ATAD2B: variants seen among roughly 807,000 people sequenced by gnomAD.
The protein encoded by ATAD2B is ATPase family AAA domain containing 2B.
In ATAD2B, 40 loss-of-function variants were observed where a neutral mutation model predicts 167.6. The ratio of observed to expected loss-of-function variants is 0.24; its 90% CI spans 0.19 to 0.31. The LOEUF (loss-of-function observed/expected upper bound fraction) is 0.31. ATAD2B is among the 10% of genes least tolerant of loss of function. ATAD2B has a pLI of 1.00. For missense variants in ATAD2B, 1,242 were observed against 1,757.2 expected, an observed-to-expected ratio of 0.71 and a Z score of 5.24; for synonymous variants, 579 against 596.5, an observed-to-expected ratio of 0.97 and a Z score of 0.43.
intron 27 of ATAD2B, among the ~76,000 whole-genome samples, chr2:23,752,491 G>C (rs1016148507): frequency 6.7e-6 from 1 of 149,648 alleles, no homozygotes; most frequent in East Asian, 1.9e-4. Flanking sequence ...ATATTTATAT[G>C]TATGCATATA....
rs1704952213 is a variant in ATAD2B, at chr2:23,926,854, GGAGCCGAGCCGGGCAATGAGAGAC to G, written c.-108_-85del. The G allele has an allele frequency of 1.4e-6, 2 of 1,426,624 alleles. No homozygotes were observed. Among genetic ancestry groups the G allele is most frequent in the Admixed American group, 5.9e-5 (2 of 33,814 alleles). 88.4% of individuals were successfully genotyped at this position (1,426,624 alleles called of 1,614,324 possible). A position where few individuals can be genotyped will look rare whatever the true frequency, so the allele number is the denominator to read the frequency against. The stretch of plus-strand genomic sequence containing the variant: ...CGCCGGCCGGTCAGTCAGGGCCAGC[GGAGCCGAGCCGGGCAATGAGAGAC>G]GAGCCGGCCCGGAGCGTGCGGAGCG... On this transcript the variant is annotated 5_prime_UTR_variant, in exon 1 of 28. Coordinates refer to ENST00000238789, the MANE Select transcript of ATAD2B (RefSeq NM_017552.4).
the ATAD2B span, among the ~76,000 whole-genome samples, chr2:23,684,881 C>A: frequency 1.3e-5 from 2 of 152,192 alleles, no homozygotes; most frequent in Non-Finnish European, 2.9e-5. The surrounding 1 kb of genome is among the most constrained non-coding windows in gnomAD (Gnocchi z 4.4). Context: ...GGACTGTAGG[C>A]TCCATTTTAA....
intron 16 of ATAD2B, among the ~76,000 whole-genome samples, chr2:23,821,095 C>T (rs1193415348): frequency 5.3e-5 from 8 of 152,052 alleles, no homozygotes; most frequent in Non-Finnish European, 1.0e-4. Flanking sequence ...ATAAATATGA[C>T]TAAATAGCTA....
At chr2:23,921,456 G>A (rs2150688442) in intron 1 of ATAD2B, among the ~76,000 whole-genome samples, 1 of 152,158 alleles carries the variant, frequency 6.6e-6, no homozygotes, top group East Asian at 1.9e-4. Context: ...TTGTCCAGCT[G>A]GATTCCAGAA....
intron 24 of ATAD2B, among the ~76,000 whole-genome samples, chr2:23,760,699 T>TATAC (rs1313618301): frequency 1.4e-4 from 17 of 123,640 alleles, no homozygotes; most frequent in Admixed American, 4.2e-4. Context: ...TTTATATATA[T>TATAC]ACACACACAC....
chr2:23,781,573 G>C (rs1196253465), intron 22 of ATAD2B, among the ~76,000 whole-genome samples: 1 of 151,844 alleles, frequency 6.6e-6, no homozygotes, highest in Non-Finnish European at 1.5e-5. Context: ...GCTGAGCCAG[G>C]AGAATCACTT....
chr2:23,757,423 T>C lies in ATAD2B; in HGVS notation c.4073A>G (p.Lys1358Arg). The stretch of plus-strand genomic sequence containing the variant: ...TTTTCAAATATTAGCTCTACCTTCT[T>C]TATCCAGTTCTGCATCTTTAACCTC... ...DVEVKDAELD[K>R]EGASKVKKYR... The change falls in exon 25 of 28, where the codon AAA becomes AGA. Residue 1358 changes from lysine to arginine, a missense_variant. Physicochemically the swap from Lys to Arg is conservative, Grantham distance 26. This residue lies in a region of ATAD2B where 282 missense variants were observed against 346.8 expected (regional missense o/e 0.81). Coordinates refer to ENST00000238789, the MANE Select transcript of ATAD2B (RefSeq NM_017552.4). The C allele has an allele frequency of 2.0e-6, 3 of 1,480,672 alleles. No individual in the cohort carries two copies. Among genetic ancestry groups the C allele is most frequent in the Non-Finnish European group, 2.7e-6 (3 of 1,118,308 alleles). 91.7% of individuals were successfully genotyped at this position (1,480,672 alleles called of 1,614,324 possible). A position where few individuals can be genotyped will look rare whatever the true frequency, so the allele number is the denominator to read the frequency against.
chr2:23,752,842 T>C (rs1364163588), intron 27 of ATAD2B, among the ~76,000 whole-genome samples: 3 of 152,120 alleles, frequency 2.0e-5, no homozygotes, highest in Non-Finnish European at 4.4e-5. Flanking sequence ...GTGGCTTCCA[T>C]CACTACCACC....
At position 23,926,595 on chromosome 2, in the gene ATAD2B, C is replaced by T. The variant is rs1352375560; in HGVS notation, c.176G>A (p.Gly59Glu). 1.3e-6 allele frequency: 2 copies of T among 1,562,034 alleles called. No homozygotes were observed. The highest frequency in any genetic ancestry group is 2.4e-5 in the East Asian group (1 of 41,906). Residue 59 changes from glycine to glutamate, a missense_variant, in exon 1 of 28, where the codon GGG becomes GAG. Physicochemically the swap from Gly to Glu is moderately conservative, Grantham distance 98. This residue lies in a region of ATAD2B where 199 missense variants were observed against 194.9 expected (regional missense o/e 1.02). Coordinates refer to ENST00000238789, the MANE Select transcript of ATAD2B (RefSeq NM_017552.4). Reference sequence around the variant, plus strand: ...AGTGACGCCGGCGCCACCGCTTCCCCCGGCTTTGGCGGCGGGGCAGCTGGC... The same window carrying T: ...AGTGACGCCGGCGCCACCGCTTCCCTCGGCTTTGGCGGCGGGGCAGCTGGC... ...RAASCPAAKA[G>E]GSGGAGVTLD...
At chr2:23,893,652 T>TAA (rs1214283502) in intron 2 of ATAD2B, among the ~76,000 whole-genome samples, 4 of 78,172 alleles carry the variant, frequency 5.1e-5, no homozygotes, top group Admixed American at 2.6e-4. Flanking sequence ...ATGAATAAAC[T>TAA]AAAAAAAAAA....
intron 13 of ATAD2B, among the ~76,000 whole-genome samples, chr2:23,849,806 G>A (rs182381152): frequency 4.6e-4 from 70 of 152,124 alleles, no homozygotes; most frequent in Middle Eastern, 6.8e-3. Flanking sequence ...CAGCCTGGGC[G>A]ACAGAGTGAG....
intron 1 of ATAD2B, among the ~76,000 whole-genome samples, chr2:23,896,171 A>T (rs998151129): frequency 2.7e-5 from 4 of 150,844 alleles, no homozygotes; most frequent in Non-Finnish European, 5.9e-5. Context: ...AAAAAAAAAA[A>T]TTAGCTGGGT....
intron 7 of ATAD2B, 125 bp from the exon 8 acceptor site, chr2:23,876,029 C>T: frequency 1.4e-6 from 1 of 707,714 alleles, no homozygotes; most frequent in Non-Finnish European, 2.3e-6. Flanking sequence ...GAGTCTTGCT[C>T]TAACGCCAGG....
intron 13 of ATAD2B, among the ~76,000 whole-genome samples, chr2:23,844,295 T>C (rs2149833533): frequency 6.6e-6 from 1 of 151,700 alleles, no homozygotes; most frequent in East Asian, 1.9e-4. Context: ...GTTGATTAAC[T>C]GTGTCTCAAA....
At chr2:23,883,623 T>A in intron 6 of ATAD2B, 1 of 1,296,426 alleles carries the variant, frequency 7.7e-7, no homozygotes, top group Non-Finnish European at 1.0e-6. Context: ...AGGAAGCAAT[T>A]TAGAGGTTCT....
chr2:23,869,590 A>C, intron 9 of ATAD2B, 73 bp downstream of exon 9: 1 of 1,035,182 alleles, frequency 9.7e-7, no homozygotes, highest in Non-Finnish European at 1.5e-6. Flanking sequence ...CAATGTTAGC[A>C]AAGAAAATCA....
At chr2:23,688,451 C>G in the ATAD2B span, among the ~76,000 whole-genome samples, 1 of 152,210 alleles carries the variant, frequency 6.6e-6, no homozygotes, top group South Asian at 2.1e-4. Context: ...GGATGAGGGC[C>G]TCCATCCTGA....
chr2:23,735,550 G>A, the ATAD2B span, among the ~76,000 whole-genome samples: 1 of 152,096 alleles, frequency 6.6e-6, no homozygotes, highest in Non-Finnish European at 1.5e-5. Context: ...TACCTTCCAT[G>A]GCTTGAAGCT....
intron 18 of ATAD2B, among the ~76,000 whole-genome samples, chr2:23,806,628 G>A (rs973801784): frequency 3.9e-4 from 59 of 151,992 alleles, no homozygotes; most frequent in African/African-American, 1.4e-3. Flanking sequence ...AATTAGAACT[G>A]TACTTAATTT....
Sources: allele counts gnomAD v4.1 joint callset (sites outside exome capture counted in the v4.1 genomes callset), GRCh38; gene constraint gnomAD v4.1.1; regional missense constraint gnomAD v4.1.1; non-coding constraint Gnocchi (gnomAD v3.1); transcripts MANE v1.5; gene names NCBI Gene and HGNC (gene_info 2026-07-23, HGNC 2026-07-21).